The following RRAS2 variants were observed in gnomAD, a reference collection of about 807,000 sequenced individuals.
RRAS2 encodes the protein ras-related protein R-Ras2.
Under a neutral mutation model 27.6 loss-of-function variants are expected in RRAS2, and 7 were observed. The ratio of observed to expected loss-of-function variants is 0.25; its 90% CI spans 0.14 to 0.48. The LOEUF (loss-of-function observed/expected upper bound fraction) is 0.48, where lower values mean the gene tolerates loss of function less well. Among genes scored for constraint, RRAS2 ranks in the 20% least tolerant of loss-of-function variants. The pLI is 0.99. For missense variants in RRAS2, 178 were observed against 256.2 expected, an observed-to-expected ratio of 0.69 and a Z score of 2.08; for synonymous variants, 86 against 90.9, an observed-to-expected ratio of 0.95 and a Z score of 0.31.
Position 14,364,390 on chromosome 11 carries a change from C to A in RRAS2, c.-124+1G>T, listed in dbSNP as rs904431410. 3.9e-6 allele frequency: 6 copies of A among 1,536,012 alleles called. No homozygotes were observed. The highest frequency in any genetic ancestry group is 5.2e-6 in the Non-Finnish European group (6 of 1,146,802). ...CCCAGATCAGAGCCTGCAATACTTACCATGGGTGATGGAGGAGCATCATCC... is the reference window on the plus strand; with the variant it reads ...CCCAGATCAGAGCCTGCAATACTTAACATGGGTGATGGAGGAGCATCATCC... On this transcript the variant is annotated splice_donor_variant, in intron 1 of 5. Transcript: ENST00000529237. LOFTEE classifies it low-confidence loss of function (5UTR_SPLICE).
intron 4 of RRAS2, among the ~76,000 whole-genome samples, chr11:14,287,476 T>C (rs1307702177): frequency 6.6e-6 from 1 of 152,152 alleles, no homozygotes; most frequent in Non-Finnish European, 1.5e-5. Flanking sequence ...TTCCAGTAGC[T>C]TTCCTGCTCC....
At chr11:14,356,271 G>A (rs996076335) in intron 1 of RRAS2, among the ~76,000 whole-genome samples, 8 of 152,142 alleles carry the variant, frequency 5.3e-5, no homozygotes, top group Non-Finnish European at 8.8e-5. Context: ...TTCCCCACTT[G>A]CCACCTCCTC....
At position 14,358,922 on chromosome 11, in the gene RRAS2, C is replaced by T; in HGVS notation, c.-52G>A. ...TGCGCCGAGCCGCCGCTGCCGCCCG[C>T]CCTAGGCCCGGCTCCGGGGACGTGT... On this transcript the variant is annotated 5_prime_UTR_variant, in exon 1 of 6. Coordinates refer to ENST00000256196, the MANE Select transcript of RRAS2 (RefSeq NM_012250.6). This position sits in a 1 kb window ranked among gnomAD's most constrained non-coding sequence, Gnocchi z 5.1. The T allele has an allele frequency of 8.0e-7, 1 of 1,251,560 alleles. No homozygotes were observed. Among genetic ancestry groups the T allele is most frequent in the Non-Finnish European group, 1.0e-6 (1 of 991,064 alleles). 77.5% of individuals were successfully genotyped at this position (1,251,560 alleles called of 1,614,324 possible). A position where few individuals can be genotyped will look rare whatever the true frequency, so the allele number is the denominator to read the frequency against.
rs183718607 is a variant in RRAS2 at position 14,346,858 on chromosome 11, A to G, written c.108+11905T>C. On this transcript the variant is annotated intron_variant, in intron 1 of 5. Coordinates refer to ENST00000256196, the MANE Select transcript of RRAS2 (RefSeq NM_012250.6). ...TAAATACATACAATTTTATCTGTCA[A>G]TTTAAAAATAAAAAGGCCAGGCACA... 2.5e-3 allele frequency among the ~76,000 whole-genome samples: 377 copies of G among 152,312 alleles called. 2 individuals are homozygous for G. The highest frequency in any genetic ancestry group is 0.01 in the Middle Eastern group (3 of 294).
upstream of RRAS2, among the ~76,000 whole-genome samples, chr11:14,362,461 G>A (rs1591497453): frequency 6.8e-6 from 1 of 146,614 alleles, no homozygotes; most frequent in African/African-American, 2.8e-5. Flanking sequence ...ACCCCCAAAA[G>A]CATACAGCAG....
At chr11:14,342,434 G>A (rs1554953402) in intron 1 of RRAS2, among the ~76,000 whole-genome samples, 1 of 152,040 alleles carries the variant, frequency 6.6e-6, no homozygotes, top group Non-Finnish European at 1.5e-5. Context: ...AATCATAAAG[G>A]GTTGTAACTG....
At chr11:14,356,819 T>G (rs1849086099) in intron 1 of RRAS2, 1 of 405,398 alleles carries the variant, frequency 2.5e-6, no homozygotes, top group African/African-American at 2.3e-5. Context: ...TTTTTTTTTT[T>G]GAGGCAGAGT....
At chr11:14,347,935 G>A (rs1848873054) in intron 1 of RRAS2, among the ~76,000 whole-genome samples, 1 of 151,818 alleles carries the variant, frequency 6.6e-6, no homozygotes, top group Non-Finnish European at 1.5e-5. Context: ...CAGTTGTACA[G>A]CAAAAGACAC....
intron 1 of RRAS2, among the ~76,000 whole-genome samples, chr11:14,330,653 T>C (rs546792069): frequency 6.6e-6 from 1 of 151,890 alleles, no homozygotes; most frequent in South Asian, 2.1e-4. Context: ...TAGTTAACAT[T>C]AAAAAAAATT....
chr11:14,316,679 G>A (rs1848115133), intron 1 of RRAS2, among the ~76,000 whole-genome samples: 1 of 152,170 alleles, frequency 6.6e-6, no homozygotes, highest in South Asian at 2.1e-4. Flanking sequence ...GGAGGTCAAG[G>A]CTGCAGTGAG....
chr11:14,329,025 A>G (rs1216806866), intron 1 of RRAS2, among the ~76,000 whole-genome samples: 4 of 145,622 alleles, frequency 2.7e-5, no homozygotes, highest in Middle Eastern at 3.6e-3. Flanking sequence ...ATATATATAT[A>G]TATACACACA....
intron 1 of RRAS2, chr11:14,364,357 G>A: frequency 6.5e-7 from 1 of 1,535,472 alleles, no homozygotes. Flanking sequence ...GCCAAAGAAG[G>A]CCAAGCCCCC....
intron 1 of RRAS2, among the ~76,000 whole-genome samples, chr11:14,328,716 G>A (rs1554951468): frequency 6.6e-6 from 1 of 151,534 alleles, no homozygotes. Context: ...CCAGACTGGA[G>A]TGCAATGGCG....
At chr11:14,279,653 C>G (rs193159262) in intron 5 of RRAS2, among the ~76,000 whole-genome samples, 1 of 152,158 alleles carries the variant, frequency 6.6e-6, no homozygotes, top group East Asian at 1.9e-4. Flanking sequence ...CTGAATCAGA[C>G]GAGATACTAG....
At chr11:14,352,089 C>T (rs1848967222) in intron 1 of RRAS2, among the ~76,000 whole-genome samples, 1 of 152,020 alleles carries the variant, frequency 6.6e-6, no homozygotes, top group Non-Finnish European at 1.5e-5. Flanking sequence ...AAAAAGAAAG[C>T]AACATCGGAT....
chr11:14,329,824 C>A (rs1474668720), intron 1 of RRAS2, among the ~76,000 whole-genome samples: 1 of 152,204 alleles, frequency 6.6e-6, no homozygotes, highest in Non-Finnish European at 1.5e-5. Context: ...AATCCCTGCA[C>A]TTCAGGAGGC....
intron 4 of RRAS2, among the ~76,000 whole-genome samples, chr11:14,293,744 A>C (rs1240813761): frequency 6.6e-6 from 1 of 152,186 alleles, no homozygotes; most frequent in African/African-American, 2.4e-5. Flanking sequence ...TAAATTACCC[A>C]GTCTTGGGTA....
chr11:14,316,177 A>G (rs1848099645), intron 1 of RRAS2, among the ~76,000 whole-genome samples: 1 of 152,202 alleles, frequency 6.6e-6, no homozygotes, highest in Non-Finnish European at 1.5e-5. Context: ...CATAATGGAA[A>G]GTGACAATCG....
chr11:14,309,444 G>C (rs781921040), intron 1 of RRAS2, among the ~76,000 whole-genome samples: 2 of 152,158 alleles, frequency 1.3e-5, no homozygotes, highest in Non-Finnish European at 2.9e-5. Context: ...GCAGTTTCTT[G>C]AAGTATTGAC....
Sources: allele counts gnomAD v4.1 joint callset (sites outside exome capture counted in the v4.1 genomes callset), GRCh38; gene constraint gnomAD v4.1.1; non-coding constraint Gnocchi (gnomAD v3.1); transcripts MANE v1.5; gene names NCBI Gene and HGNC (gene_info 2026-07-23, HGNC 2026-07-21).